The following ZNF717 variants were observed in gnomAD, a reference collection of about 807,000 sequenced individuals.
ZNF717 encodes the protein zinc finger protein 717.
A neutral mutation model predicts 13.8 loss-of-function variants in ZNF717; 9 were observed. The observed-to-expected ratio is 0.65, with a 90% CI of 0.39 to 1.14. The LOEUF (loss-of-function observed/expected upper bound fraction) is 1.14, where lower values mean the gene tolerates loss of function less well. Ranked by LOEUF, ZNF717 falls within the 50% of genes most tolerant of loss-of-function variation. ZNF717 has a pLI of 0.01. For synonymous variants in ZNF717, 327 were observed against 364.1 expected (o/e 0.90, Z 1.16); for missense variants, 1,040 against 1,080.7 (o/e 0.96, Z 0.53).
downstream of ZNF717, among the ~76,000 whole-genome samples, chr3:75,735,091 T>C (rs974220992): frequency 0.034 from 5,224 of 152,052 alleles, 20 homozygotes; most frequent in Non-Finnish European, 0.055. Flanking sequence ...TCCCAAAGTG[T>C]TGGGATTACA....
intron 5 of ZNF717, chr3:75,730,721 G>A (rs1039902434): frequency 4.6e-6 from 3 of 650,500 alleles, no homozygotes; most frequent in East Asian, 2.8e-5. Context: ...AACAAGTACA[G>A]AATCCACAGA....
At chr3:75,723,127 C>T (rs1459388658) in intron 4 of ZNF717, among the ~76,000 whole-genome samples, 1 of 151,994 alleles carries the variant, frequency 6.6e-6, no homozygotes, top group African/African-American at 2.4e-5. Flanking sequence ...TCAGAAAAAC[C>T]CGTGTTTTGA....
At chr3:75,721,472 G>C (rs1461621515) in intron 4 of ZNF717, among the ~76,000 whole-genome samples, 2 of 152,056 alleles carry the variant, frequency 1.3e-5, no homozygotes, top group Non-Finnish European at 2.9e-5. Context: ...GTAGAGACGG[G>C]GTTTTGCAAT....
chr3:75,710,688 C>T (rs1242165963), exon 6 of ZNF717: 3 of 152,124 alleles, frequency 2.0e-5, no homozygotes, highest in Non-Finnish European at 4.4e-5. Context: ...CAAGTTTATT[C>T]TTTAAAATTT....
chr3:75,784,563 T>C (rs371566312), intron 1 of ZNF717, among the ~76,000 whole-genome samples: 16 of 152,182 alleles, frequency 1.1e-4, no homozygotes, highest in Non-Finnish European at 5.9e-5. Context: ...TATTTTAATC[T>C]TCTCAGGTAT....
At position 75,738,831 on chromosome 3, in the gene ZNF717, G is replaced by T; in HGVS notation, c.792C>A (p.Cys264Ter). Residue 264 changes from cysteine to a stop codon, truncating the protein, a stop_gained, in exon 5 of 5, where the codon TGC becomes TGA. Coordinates refer to ENST00000652011, the MANE Select transcript of ZNF717 (RefSeq NM_001290208.3). LOFTEE classifies it low-confidence loss of function (END_TRUNC). ...GTTTAGTGAAGTCAGACTTTCTACA[G>T]CAAGTTGGCTGTCCTACCTGAGTTA... ...QVITQVGQPT[C>*]CRKSDFTKHQ... 4 of 1,551,728 alleles carry T rather than the reference G, an allele frequency of 2.6e-6. No individual in the cohort carries two copies. The highest frequency in any genetic ancestry group is 2.7e-5 in the African/African-American group (2 of 73,188).
chr3:75,750,845 A>C (rs1941707363), intron 2 of ZNF717, among the ~76,000 whole-genome samples: 1 of 151,490 alleles, frequency 6.6e-6, no homozygotes, highest in Non-Finnish European at 1.5e-5. Flanking sequence ...TGTCCCTCAC[A>C]TAGGATTCCA....
chr3:75,734,440 G>GTTTTTTTC (rs1294588068), downstream of ZNF717, among the ~76,000 whole-genome samples: 1 of 108,594 alleles, frequency 9.2e-6, no homozygotes, highest in Admixed American at 9.3e-5. Flanking sequence ...TTGTTTTTTT[G>GTTTTTTTC]TTTTTTTTGT....
chr3:75,774,455 A>T (rs1195200135), intron 2 of ZNF717, among the ~76,000 whole-genome samples: 1 of 135,788 alleles, frequency 7.4e-6, no homozygotes, highest in Non-Finnish European at 1.6e-5. Context: ...GGCCCCTGAA[A>T]CACCCAAAAG....
intron 4 of ZNF717, 129 bp from the exon 5 acceptor site, chr3:75,739,474 G>A (rs1940055800): frequency 3.8e-6 from 2 of 526,194 alleles, no homozygotes; most frequent in Non-Finnish European, 6.3e-6. Flanking sequence ...ATGGGTATTG[G>A]TTTTATATGC....
chr3:75,748,305 T>C (rs1419776226), intron 2 of ZNF717, among the ~76,000 whole-genome samples: 9 of 151,934 alleles, frequency 5.9e-5, no homozygotes, highest in African/African-American at 1.9e-4. Flanking sequence ...TTCCAATCAA[T>C]AGAAAAAGAG....
chr3:75,723,465 G>A (rs12488745), intron 4 of ZNF717, among the ~76,000 whole-genome samples: 3 of 150,824 alleles, frequency 2.0e-5, no homozygotes, highest in Non-Finnish European at 4.4e-5. Context: ...AAAATATATA[G>A]AATAAGAATA....
At chr3:75,777,624 A>C (rs1206622146) in intron 2 of ZNF717, among the ~76,000 whole-genome samples, 4 of 152,060 alleles carry the variant, frequency 2.6e-5, no homozygotes, top group Non-Finnish European at 4.4e-5. Flanking sequence ...CTAAAACCGG[A>C]ACCCAAAAAA....
chr3:75,769,972 G>C (rs1207298921), intron 2 of ZNF717, among the ~76,000 whole-genome samples: 1 of 152,128 alleles, frequency 6.6e-6, no homozygotes, highest in Non-Finnish European at 1.5e-5. Context: ...ATAAACAAGA[G>C]GTAGAAAATA....
intron 2 of ZNF717, among the ~76,000 whole-genome samples, chr3:75,779,947 A>G (rs1241896990): frequency 6.7e-6 from 1 of 148,600 alleles, no homozygotes; most frequent in Admixed American, 6.7e-5. Flanking sequence ...ACCCAAAACA[A>G]TGGGAGAGAT....
intron 2 of ZNF717, among the ~76,000 whole-genome samples, chr3:75,742,962 C>T (rs1940666726): frequency 6.6e-6 from 1 of 152,156 alleles, no homozygotes; most frequent in Admixed American, 6.6e-5. Flanking sequence ...TCACAATAGT[C>T]CCATAAGATG....
At chr3:75,731,146 G>C (rs78552191), downstream of ZNF717, among the ~76,000 whole-genome samples, 1 of 152,100 alleles carries the variant, frequency 6.6e-6, no homozygotes, top group Non-Finnish European at 1.5e-5. Flanking sequence ...GGAGCTTGAG[G>C]TGGGTGGATC....
At chr3:75,717,758 C>T (rs1938085562) in intron 4 of ZNF717, among the ~76,000 whole-genome samples, 1 of 152,194 alleles carries the variant, frequency 6.6e-6, no homozygotes. Flanking sequence ...ACCTGCACAG[C>T]TAGAGACACA....
chr3:75,716,862 A>G (rs1938065981), intron 4 of ZNF717, among the ~76,000 whole-genome samples: 1 of 152,230 alleles, frequency 6.6e-6, no homozygotes, highest in Non-Finnish European at 1.5e-5. Flanking sequence ...GATTCCCTTC[A>G]TCTGAGAAAG....
Sources: allele counts gnomAD v4.1 joint callset (sites outside exome capture counted in the v4.1 genomes callset), GRCh38; gene constraint gnomAD v4.1.1; transcripts MANE v1.5; gene names NCBI Gene and HGNC (gene_info 2026-07-23, HGNC 2026-07-21).